Variants in MAD1L1 observed in about 807,000 individuals in gnomAD.
MAD1L1 encodes mitotic spindle assembly checkpoint protein MAD1.
Under a neutral mutation model 96.9 loss-of-function variants are expected in MAD1L1, and 95 were observed. The observed-to-expected ratio is 0.98, with a 90% confidence interval of 0.83 to 1.16. The LOEUF (loss-of-function observed/expected upper bound fraction) is 1.16. Ranked by LOEUF, MAD1L1 falls within the 50% of genes most tolerant of loss-of-function variation. The pLI, the probability that MAD1L1 is intolerant of heterozygous loss-of-function variation, is 0.00. For synonymous variants in MAD1L1, 473 were observed against 396.6 expected (o/e 1.19, Z -2.29); for missense variants, 1,007 against 954.4 (o/e 1.06, Z -0.73).
chr7:2,149,245 G>C lies in MAD1L1; in HGVS notation c.987-7C>G. 1 of 1,609,328 alleles carries C rather than the reference G, an allele frequency of 6.2e-7. No individual in the cohort carries two copies. Among genetic ancestry groups the C allele is most frequent in the Non-Finnish European group, 8.5e-7 (1 of 1,175,894 alleles). ...GGAAAGGTCTTCTGGAGTCCTGCAG[G>C]ATAAACAAGGCACACTCAGTTCCAG... On this transcript the variant is annotated splice_region_variant and splice_polypyrimidine_tract_variant and intron_variant, in intron 10 of 18. Transcript: ENST00000265854.
At chr7:1,816,461 G>A (rs1053985934) in intron 18 of MAD1L1, among the ~76,000 whole-genome samples, 10 of 152,264 alleles carry the variant, frequency 6.6e-5, no homozygotes, top group Admixed American at 5.9e-4. Context: ...CCAGGCAGTT[G>A]GGGGTCCCAG....
In MAD1L1 at chr7:2,183,784, G is replaced by C. The variant is rs193289063; in HGVS notation, c.986+29428C>G. On this transcript the variant is annotated intron_variant, in intron 10 of 18. Transcript: ENST00000265854. ...GGGGGAGCGGGGAGGGACAGCATTA[G>C]GAGATATACCTAATGCTAAATGACG... is the stretch of plus-strand genomic sequence containing the variant. Among the ~76,000 whole-genome samples, 31 of 152,164 alleles carry C rather than the reference G, an allele frequency of 2.0e-4. No individual in the cohort carries two copies. In the East Asian group the frequency reaches 5.6e-3, roughly 28 times the overall value.
intron 10 of MAD1L1, among the ~76,000 whole-genome samples, chr7:2,169,234 A>G (rs1790588869): frequency 6.6e-6 from 1 of 152,172 alleles, no homozygotes; most frequent in African/African-American, 2.4e-5. Context: ...GCATGTAGAC[A>G]GTGAAAATCT....
intron 15 of MAD1L1, among the ~76,000 whole-genome samples, chr7:1,974,135 T>C (rs932465552): frequency 2.6e-5 from 4 of 152,204 alleles, no homozygotes; most frequent in Admixed American, 2.0e-4. Flanking sequence ...GAGTCCTGCA[T>C]TGGCGACACA....
intron 11 of MAD1L1, among the ~76,000 whole-genome samples, chr7:2,128,634 CG>C (rs769035834): frequency 8.5e-4 from 129 of 152,326 alleles, no homozygotes; most frequent in Non-Finnish European, 1.5e-3. Context: ...GCAGAAAACA[CG>C]ATGTGTCTGC....
intron 12 of MAD1L1, among the ~76,000 whole-genome samples, chr7:2,031,858 G>A (rs1201574644): frequency 6.6e-6 from 1 of 152,266 alleles, no homozygotes; most frequent in Non-Finnish European, 1.5e-5. Flanking sequence ...GGGCAACGTG[G>A]GAAACAGACA....
At chr7:2,040,745 G>C (rs550424728) in intron 12 of MAD1L1, among the ~76,000 whole-genome samples, 2 of 152,304 alleles carry the variant, frequency 1.3e-5, no homozygotes, top group Admixed American at 1.3e-4. Context: ...GAGGCCCAAG[G>C]CCCCTGGCCT....
At chr7:1,947,160 T>C (rs1199875779) in intron 16 of MAD1L1, among the ~76,000 whole-genome samples, 2 of 152,212 alleles carry the variant, frequency 1.3e-5, no homozygotes, top group Non-Finnish European at 2.9e-5. Context: ...GCCCACGCCC[T>C]GGTGCGTGCA....
At chr7:1,912,816 T>C (rs1277626040) in intron 17 of MAD1L1, among the ~76,000 whole-genome samples, 1 of 152,218 alleles carries the variant, frequency 6.6e-6, no homozygotes, top group Non-Finnish European at 1.5e-5. Flanking sequence ...CCTCATCTGT[T>C]TCCGGAAGCT....
At chr7:2,185,600 G>T (rs558605451) in intron 10 of MAD1L1, among the ~76,000 whole-genome samples, 6 of 152,012 alleles carry the variant, frequency 3.9e-5, no homozygotes, top group East Asian at 1.9e-4. Flanking sequence ...CAACACAAAG[G>T]CATTTTCTAA....
At chr7:1,939,022 C>T (rs1301718252) in intron 16 of MAD1L1, among the ~76,000 whole-genome samples, 3 of 131,760 alleles carry the variant, frequency 2.3e-5, no homozygotes, top group East Asian at 4.4e-4. Flanking sequence ...CACACACACA[C>T]ATGGGCCAGG....
chr7:2,128,247 T>C (rs75609046), intron 11 of MAD1L1, among the ~76,000 whole-genome samples: 3,036 of 152,220 alleles, frequency 0.02, 101 homozygotes, highest in African/African-American at 0.069. Context: ...TTTCTGTCAC[T>C]GAATCGCATT....
rs1243720199 is a variant in MAD1L1, at chr7:2,110,480, G to A, written c.1073+38672C>T. 5.9e-5 allele frequency among the ~76,000 whole-genome samples: 9 copies of A among 152,296 alleles called. No individual in the cohort carries two copies. The East Asian group carries it at 1.7e-3, about 29-fold the overall frequency. On this transcript the variant is annotated intron_variant, in intron 11 of 18. Coordinates refer to ENST00000265854, the MANE Select transcript of MAD1L1 (RefSeq NM_001013836.2). ...TGAAGCATCTACTTCTATTAATACA[G>A]CCTGAGACAGAGTTCACTTCTTCTG...
intron 18 of MAD1L1, chr7:1,847,767 C>T (rs1783722437): frequency 2.2e-6 from 1 of 464,978 alleles, no homozygotes; most frequent in Non-Finnish European, 4.4e-6. Context: ...TTGCTGCGTG[C>T]TGTGTACAAG....
intron 11 of MAD1L1, chr7:2,079,714 A>C (rs1398323835): frequency 2.1e-6 from 1 of 470,928 alleles, no homozygotes; most frequent in East Asian, 6.9e-5. Flanking sequence ...TCGCCTGGGC[A>C]GGGCTCCTCC....
intron 11 of MAD1L1, among the ~76,000 whole-genome samples, chr7:2,105,298 A>G (rs1344170093): frequency 1.3e-5 from 2 of 152,172 alleles, no homozygotes; most frequent in African/African-American, 4.8e-5. Context: ...CAACAAAGCC[A>G]GCAGCGAGGT....
At chr7:1,817,374 T>A (rs892534949) in intron 18 of MAD1L1, 2 of 152,100 alleles carry the variant, frequency 1.3e-5, no homozygotes, top group East Asian at 1.9e-4. Flanking sequence ...GGCACGGGTG[T>A]CCACGGCAAC....
At chr7:2,009,015 C>T (rs984785696) in intron 13 of MAD1L1, among the ~76,000 whole-genome samples, 1 of 152,186 alleles carries the variant, frequency 6.6e-6, no homozygotes, top group Non-Finnish European at 1.5e-5. Context: ...AGGCCCCCAG[C>T]GCAGCCACGC....
chr7:2,157,611 G>A (rs1024170635), intron 10 of MAD1L1, among the ~76,000 whole-genome samples: 2 of 152,192 alleles, frequency 1.3e-5, no homozygotes, highest in Non-Finnish European at 2.9e-5. Flanking sequence ...TGGGACTCAG[G>A]AACCCGGCTT....
Sources: gnomAD v4.1 joint callset for allele counts (sites outside exome capture counted in the v4.1 genomes callset) on GRCh38, gnomAD v4.1.1 for gene constraint, MANE v1.5 for transcripts, NCBI Gene and HGNC (gene_info 2026-07-23, HGNC 2026-07-21) for gene names.